Variants in FSTL5 observed in about 807,000 individuals in gnomAD.
FSTL5 encodes follistatin like 5.
FSTL5 carries 62 observed loss-of-function variants against 89.1 expected under a neutral mutation model. That is an observed-to-expected ratio of 0.70 (90% confidence interval 0.57 to 0.86). The LOEUF (loss-of-function observed/expected upper bound fraction) is 0.86, where lower values mean the gene tolerates loss of function less well. FSTL5 is among the 40% of genes least tolerant of loss of function. FSTL5 has a pLI of 0.00. For missense variants in FSTL5, 1,057 were observed against 1,001.6 expected (o/e 1.06, Z -0.75); for synonymous variants, 383 against 346.2 (o/e 1.11, Z -1.18).
Position 161,528,736 on chromosome 4 carries a change from T to A in FSTL5, c.1312+9430A>T, listed in dbSNP as rs1287023201. On this transcript the variant is annotated intron_variant, in intron 10 of 15. Coordinates refer to ENST00000306100, the MANE Select transcript of FSTL5 (RefSeq NM_020116.5). ...TCATAAAGTGATGATAATTCTACTT[T>A]TGTTAAACTTAAGAACACAGTTATT... Among the ~76,000 whole-genome samples the A allele has an allele frequency of 1.4e-5, 2 of 143,608 alleles. 1 individual carries two copies. The highest frequency in any genetic ancestry group is 5.0e-5 in the African/African-American group (2 of 40,060). 94.2% of individuals were successfully genotyped at this position (143,608 alleles called of 152,430 possible).
intron 6 of FSTL5, among the ~76,000 whole-genome samples, chr4:161,748,226 G>T (rs1445065351): frequency 1.3e-5 from 2 of 152,086 alleles, no homozygotes; most frequent in Non-Finnish European, 2.9e-5. Context: ...GTTAAAAACA[G>T]ATTTGTTACT....
At chr4:161,551,191 G>T (rs1343941385) in intron 8 of FSTL5, among the ~76,000 whole-genome samples, 1 of 149,688 alleles carries the variant, frequency 6.7e-6, no homozygotes, top group Admixed American at 6.7e-5. Context: ...CTAGTTTACA[G>T]TCCCACCAAC....
chr4:161,656,609 G>T, intron 6 of FSTL5, 115 bp from the exon 7 acceptor site: 1 of 548,686 alleles, frequency 1.8e-6, no homozygotes, highest in Non-Finnish European at 2.9e-6. Context: ...AGGGAAAAAA[G>T]CTTGTGATGA....
At chr4:162,107,112 A>G (rs1004166878) in intron 2 of FSTL5, among the ~76,000 whole-genome samples, 24 of 152,192 alleles carry the variant, frequency 1.6e-4, no homozygotes, top group African/African-American at 5.3e-4. Context: ...CTATCACATG[A>G]ATGTGGGGAG....
At chr4:162,058,485 G>A (rs1469199619) in intron 2 of FSTL5, among the ~76,000 whole-genome samples, 1 of 142,804 alleles carries the variant, frequency 7.0e-6, no homozygotes, top group Non-Finnish European at 1.5e-5. Context: ...AGAGTGCAGA[G>A]GCATGATCTC....
intron 6 of FSTL5, among the ~76,000 whole-genome samples, chr4:161,752,135 A>T (rs913546589): frequency 3.9e-5 from 6 of 152,204 alleles, no homozygotes; most frequent in Non-Finnish European, 4.4e-5. Context: ...AAATAGTGAC[A>T]CATTATGATG....
At chr4:161,397,797 T>C (rs1264210392) in intron 15 of FSTL5, among the ~76,000 whole-genome samples, 1 of 151,758 alleles carries the variant, frequency 6.6e-6, no homozygotes, top group East Asian at 1.9e-4. Flanking sequence ...ATTCTGACTA[T>C]AAAATGAATT....
chr4:161,456,148 T>G (rs17041088), intron 14 of FSTL5, among the ~76,000 whole-genome samples: 20,547 of 152,198 alleles, frequency 0.14, 1,549 homozygotes, highest in African/African-American at 0.2. Context: ...TCAAGTTATT[T>G]CCTGGGAATA....
chr4:162,072,314 A>G (rs1186550312), intron 2 of FSTL5, among the ~76,000 whole-genome samples: 3 of 151,824 alleles, frequency 2.0e-5, no homozygotes, highest in African/African-American at 7.2e-5. Context: ...CAACACACAG[A>G]ACAAAGATAA....
rs547471966 is a variant in FSTL5, at chr4:161,839,197, C to CA, written c.410-63124dup. Among the ~76,000 whole-genome samples the CA allele has an allele frequency of 2.1e-4, 32 of 151,278 alleles. 1 individual carries two copies. In the East Asian group the frequency reaches 2.9e-3, roughly 14 times the overall value. ...ACATAATAAGGATAAAAGCAAACATCAAAAAAATAGACAAAATGCAGTATA... is the reference window on the plus strand; with the variant it reads ...ACATAATAAGGATAAAAGCAAACATCAAAAAAAATAGACAAAATGCAGTATA... On this transcript the variant is annotated intron_variant, in intron 4 of 15. Transcript: ENST00000306100.
intron 4 of FSTL5, among the ~76,000 whole-genome samples, chr4:161,869,535 T>G (rs556489834): frequency 6.6e-6 from 1 of 152,310 alleles, no homozygotes; most frequent in Non-Finnish European, 1.5e-5. Flanking sequence ...TCAGCGGTTT[T>G]AAAGCAAAGG....
chr4:161,928,201 G>A (rs1181229802), intron 3 of FSTL5, among the ~76,000 whole-genome samples: 1 of 151,726 alleles, frequency 6.6e-6, no homozygotes, highest in Non-Finnish European at 1.5e-5. Flanking sequence ...TAATGATATG[G>A]ATTTAAGATT....
At chr4:161,535,125 G>C (rs1273963955) in intron 10 of FSTL5, among the ~76,000 whole-genome samples, 3 of 152,052 alleles carry the variant, frequency 2.0e-5, no homozygotes, top group Non-Finnish European at 4.4e-5. Context: ...AATCCTAAAA[G>C]TAAAAGTGGG....
intron 4 of FSTL5, among the ~76,000 whole-genome samples, chr4:161,886,987 A>G (rs944706866): frequency 9.9e-5 from 15 of 152,172 alleles, no homozygotes; most frequent in African/African-American, 3.6e-4. Flanking sequence ...TTAAGCTTTA[A>G]AATAGCTACA....
intron 4 of FSTL5, among the ~76,000 whole-genome samples, chr4:161,820,367 T>C (rs1730453042): frequency 6.6e-6 from 1 of 152,164 alleles, no homozygotes; most frequent in South Asian, 2.1e-4. Flanking sequence ...AATAGGCATA[T>C]ATTAAGGATT....
intron 4 of FSTL5, among the ~76,000 whole-genome samples, chr4:161,917,290 T>C (rs896457977): frequency 7.2e-5 from 11 of 152,274 alleles, no homozygotes; most frequent in African/African-American, 2.6e-4. Flanking sequence ...CAAATATAAA[T>C]CTGATATAAA....
chr4:161,638,984 T>A (rs1735839493), intron 7 of FSTL5, among the ~76,000 whole-genome samples: 1 of 149,068 alleles, frequency 6.7e-6, no homozygotes, highest in African/African-American at 2.5e-5. Flanking sequence ...AATTAGGTAT[T>A]GATGGGACGT....
intron 8 of FSTL5, among the ~76,000 whole-genome samples, chr4:161,544,976 T>G (rs1026300816): frequency 6.6e-6 from 1 of 152,014 alleles, no homozygotes; most frequent in Non-Finnish European, 1.5e-5. Context: ...TAAAATGAGA[T>G]GTCGTAAATA....
intron 7 of FSTL5, among the ~76,000 whole-genome samples, chr4:161,619,634 A>G (rs1483729616): frequency 1.3e-5 from 2 of 152,210 alleles, no homozygotes; most frequent in African/African-American, 2.4e-5. Context: ...CAAAACCACA[A>G]TGAGATACCA....
Sources: gnomAD v4.1 joint callset for allele counts (sites outside exome capture counted in the v4.1 genomes callset) on GRCh38, gnomAD v4.1.1 for gene constraint, MANE v1.5 for transcripts, NCBI Gene and HGNC (gene_info 2026-07-23, HGNC 2026-07-21) for gene names.